The following PLK4 variants were observed in gnomAD, a reference collection of about 807,000 sequenced individuals.
The protein encoded by PLK4 is serine/threonine-protein kinase PLK4.
In PLK4, 51 loss-of-function variants were observed where a neutral mutation model predicts 103.0. The observed-to-expected ratio is 0.50, with a 90% CI of 0.40 to 0.63. The LOEUF is 0.63. Among genes scored for constraint, PLK4 ranks in the 20% least tolerant of loss-of-function variants. PLK4 has a pLI of 0.00. For missense variants in PLK4, 1,054 were observed against 1,151.0 expected, an observed-to-expected ratio of 0.92 and a Z score of 1.22; for synonymous variants, 389 against 376.8, an observed-to-expected ratio of 1.03 and a Z score of -0.38.
chr4:127,885,946 T>A lies in PLK4; in HGVS notation c.576T>A (p.Ser192=), dbSNP rs1735106975. The A allele has an allele frequency of 6.2e-7, 1 of 1,614,078 alleles. No homozygotes were observed. Among genetic ancestry groups the A allele is most frequent in the African/African-American group, 1.3e-5 (1 of 74,942 alleles). The part of the protein sequence containing the change: ...IATRSAHGLE[S]DVWSLGCMFY... ...CTCGAAGTGCACATGGCCTTGAATCTGATGTTTGGTCCCTGGGCTGTATGT... is the reference window on the plus strand; with the variant it reads ...CTCGAAGTGCACATGGCCTTGAATCAGATGTTTGGTCCCTGGGCTGTATGT... Residue 192 remains serine (S), a synonymous_variant, in exon 5 of 16, where the codon TCT becomes TCA. Transcript: ENST00000270861.
In PLK4 at chr4:127,895,001, G is replaced by C. The variant is rs372173355; in HGVS notation, c.2611G>C (p.Asp871His). Residue 871 changes from aspartate to histidine, a missense_variant, in exon 14 of 16, where the codon GAC (aspartate) becomes CAC (histidine). By Grantham distance (81) the Asp-to-His change is moderately conservative. Around this residue, in one of 4 missense-constraint regions of PLK4, gnomAD observed 167 missense variants for 200.7 expected, o/e 0.83. Coordinates refer to ENST00000270861, the MANE Select transcript of PLK4 (RefSeq NM_014264.5). ...LGLTTTASGTDISSNSLKDCL... is the reference protein window; with the variant it reads ...LGLTTTASGTHISSNSLKDCL... ...TCTTACAACTACAGCTTCTGGAACA[G>C]ACATCTCTTCTAATAGTCTAAAAGA... 6.2e-7 allele frequency: 1 copy of C among 1,605,726 alleles called. No individual in the cohort carries two copies. The highest frequency in any genetic ancestry group is 8.5e-7 in the Non-Finnish European group (1 of 1,173,522).
intron 2 of PLK4, 107 bp from the exon 3 acceptor site, chr4:127,883,155 C>T (rs970878337): frequency 5.6e-5 from 35 of 619,894 alleles, no homozygotes; most frequent in African/African-American, 7.4e-5. Context: ...ACCACAAAGA[C>T]GTATAAAAGG....
chr4:127,898,860 A>T lies in PLK4; in HGVS notation c.*319A>T, dbSNP rs1735676310. ...TGATGTGTAGTTTATTTGTGCTTTT[A>T]TTGTTTTCCCTGCGTCTCAGACATG... is the stretch of plus-strand genomic sequence containing the variant. On this transcript the variant is annotated 3_prime_UTR_variant, in exon 16 of 16. Coordinates refer to ENST00000270861, the MANE Select transcript of PLK4 (RefSeq NM_014264.5). 3 of 183,044 alleles carry T rather than the reference A, an allele frequency of 1.6e-5. No individual in the cohort carries two copies. Among genetic ancestry groups the T allele is most frequent in the Admixed American group, 1.2e-4 (2 of 16,740 alleles). 11.3% of individuals were successfully genotyped at this position (183,044 alleles called of 1,614,324 possible).
chr4:127,887,400 A>G lies in PLK4; in HGVS notation c.1363A>G (p.Asn455Asp), dbSNP rs146078575. 1 of 1,596,530 alleles carries G rather than the reference A, an allele frequency of 6.3e-7. No individual in the cohort carries two copies. The change falls in exon 6 of 16, where the codon AAT (asparagine) becomes GAT (aspartate). Residue 455 changes from asparagine to aspartate, a missense_variant. By Grantham distance (23) the Asn-to-Asp change is conservative. This residue lies in a region of PLK4 where 680 missense variants were observed against 660.3 expected (regional missense o/e 1.03). Transcript: ENST00000270861. The stretch of plus-strand genomic sequence containing the variant: ...TTTTTTTGTTTGTTTGTTTAGCTCC[A>G]ATCATCTTTGTCCAGGAAAAACTCC... Reference protein sequence around the residue: ...ERPDNNQALSNHLCPGKTPFP... With the variant: ...ERPDNNQALSDHLCPGKTPFP...
At chr4:127,892,995 T>C (rs773851072) in intron 10 of PLK4, among the ~76,000 whole-genome samples, 72 of 152,040 alleles carry the variant, frequency 4.7e-4, no homozygotes, top group Non-Finnish European at 1.8e-4. Context: ...AGCATTCATA[T>C]CACACAGTAC....
At position 127,881,349 on chromosome 4, in the gene PLK4, A is replaced by G. The variant is rs537122220; in HGVS notation, c.30+185A>G. ...CGGAGCGGCCCGCCCCTCAAGAGAC[A>G]AGAGTAGGGAAGGCGGGACAGGTGA... On this transcript the variant is annotated intron_variant, in intron 1 of 15. Transcript: ENST00000270861. 1.3e-5 allele frequency: 19 copies of G among 1,446,388 alleles called. No individual in the cohort carries two copies. In the African/African-American group the frequency reaches 2.1e-4, roughly 16 times the overall value. The allele number at this position is 1,446,388 out of a possible 1,614,324, so 89.6% of individuals were successfully genotyped here.
chr4:127,881,365 G>A (rs1424297629), intron 1 of PLK4: 58 of 1,437,860 alleles, frequency 4.0e-5, no homozygotes, highest in Non-Finnish European at 5.1e-5. Context: ...AGGGAAGGCG[G>A]GACAGGTGAG....
intron 14 of PLK4, among the ~76,000 whole-genome samples, chr4:127,895,591 T>G (rs1445115821): frequency 6.6e-6 from 1 of 151,462 alleles, no homozygotes; most frequent in African/African-American, 2.4e-5. Flanking sequence ...CGGGCTAATT[T>G]TTTCTATTTT....
chr4:127,893,829 T>A lies in PLK4; in HGVS notation c.2510T>A (p.Met837Lys), dbSNP rs1317822069. ...PTRERASFNR[M>K]VMHSAASPTQ... ...AGAGAGAGAGCATCTTTCAACAGAA[T>A]GGTCATGCATAGTGCTGCTTCTCCA... Residue 837 changes from methionine (M) to lysine (K), a missense_variant, in exon 13 of 16, where the codon ATG becomes AAG. By Grantham distance (95) the Met-to-Lys change is moderately conservative (BLOSUM62 -1). Coordinates refer to ENST00000270861, the MANE Select transcript of PLK4 (RefSeq NM_014264.5). The A allele has an allele frequency of 1.2e-6, 2 of 1,611,742 alleles. No individual in the cohort carries two copies. Among genetic ancestry groups the A allele is most frequent in the Non-Finnish European group, 1.7e-6 (2 of 1,178,006 alleles).
chr4:127,892,950 T>C (rs1735419146), intron 10 of PLK4, among the ~76,000 whole-genome samples: 1 of 152,080 alleles, frequency 6.6e-6, no homozygotes, highest in African/African-American at 2.4e-5. Context: ...AGATGAACTA[T>C]TTTTTAATCT....
intron 6 of PLK4, 128 bp from the exon 7 acceptor site, chr4:127,889,738 A>G: frequency 3.0e-6 from 2 of 657,780 alleles, no homozygotes; most frequent in Non-Finnish European, 5.1e-6. Flanking sequence ...ATGAGCTCTT[A>G]TTGTTTTGTT....
chr4:127,881,861 G>A lies in PLK4; in HGVS notation c.61G>A (p.Gly21Arg). Residue 21 changes from glycine (G) to arginine (R), a missense_variant, in exon 2 of 16, where the codon GGA becomes AGA. This residue lies in a region of PLK4 where 199 missense variants were observed against 270.1 expected (regional missense o/e 0.74). Transcript: ENST00000270861. ...DFKVGNLLGK[G>R]SFAGVYRAES... ...TAAAGTTGGAAATCTGCTTGGTAAA[G>A]GATCATTTGCTGGTGTCTACAGAGC... 1.2e-6 allele frequency: 2 copies of A among 1,608,960 alleles called. No homozygotes were observed. Among genetic ancestry groups the A allele is most frequent in the Non-Finnish European group, 1.7e-6 (2 of 1,175,362 alleles).
intron 15 of PLK4, among the ~76,000 whole-genome samples, chr4:127,897,904 A>G: frequency 8.6e-6 from 1 of 116,676 alleles, no homozygotes; most frequent in Non-Finnish European, 1.6e-5. Flanking sequence ...TAGTGGTGCG[A>G]CTTGGCTCAC....
rs1431411718 is a variant in PLK4 at position 127,886,684 on chromosome 4, C to G, written c.1314C>G (p.Ser438=). 6.2e-7 allele frequency: 1 copy of G among 1,611,392 alleles called. No homozygotes were observed. Among genetic ancestry groups the G allele is most frequent in the Admixed American group, 1.7e-5 (1 of 59,676 alleles). Residue 438 remains serine (S), a synonymous_variant, in exon 5 of 16, where the codon TCC becomes TCG. Coordinates refer to ENST00000270861, the MANE Select transcript of PLK4 (RefSeq NM_014264.5). The part of the protein sequence containing the change: ...NIFNFFKEKT[S]SSSGSFERPD... The stretch of plus-strand genomic sequence containing the variant: ...TTAACTTCTTTAAAGAAAAGACATC[C>G]AGTAGTTCTGGATCTTTTGAAAGAC...
At position 127,883,489 on chromosome 4, in the gene PLK4, G is replaced by A; in HGVS notation, c.273G>A (p.Met91Ile). ...DSNYVYLVLEMCHNGEMNRYL... is the reference protein window; with the variant it reads ...DSNYVYLVLEICHNGEMNRYL... The stretch of plus-strand genomic sequence containing the variant: ...ATTATGTGTATCTGGTATTAGAAAT[G>A]TGCCATAATGGAGAAATGAACAGGT... Residue 91 changes from methionine (M) to isoleucine (I), a missense_variant, in exon 4 of 16, where the codon ATG becomes ATA. Coordinates refer to ENST00000270861, the MANE Select transcript of PLK4 (RefSeq NM_014264.5). The A allele has an allele frequency of 6.4e-7, 1 of 1,553,940 alleles. No homozygotes were observed. The highest frequency in any genetic ancestry group is 8.9e-7 in the Non-Finnish European group (1 of 1,125,932).
rs1014450567 is a variant in PLK4, at chr4:127,881,270, G to C, written c.30+106G>C. The C allele has an allele frequency of 1.9e-6, 3 of 1,578,274 alleles. No individual in the cohort carries two copies. The African/African-American group carries it at 4.0e-5, about 21-fold the overall frequency. On this transcript the variant is annotated intron_variant, in intron 1 of 15. Coordinates refer to ENST00000270861, the MANE Select transcript of PLK4 (RefSeq NM_014264.5). Reference sequence around the variant, plus strand: ...AACGAAGCTAACGGCTGCGGGGCGGGCACCGAGGTGCTTAGGGAGGGTCCC... The same window carrying C: ...AACGAAGCTAACGGCTGCGGGGCGGCCACCGAGGTGCTTAGGGAGGGTCCC...
At position 127,881,179 on chromosome 4, in the gene PLK4, C is replaced by T. The variant is rs1734901867; in HGVS notation, c.30+15C>T. 2 of 1,613,782 alleles carry T rather than the reference C, an allele frequency of 1.2e-6. No homozygotes were observed. Among genetic ancestry groups the T allele is most frequent in the South Asian group, 2.2e-5 (2 of 91,082 alleles). On this transcript the variant is annotated intron_variant, in intron 1 of 15. Coordinates refer to ENST00000270861, the MANE Select transcript of PLK4 (RefSeq NM_014264.5). ...AGAAGATCGAGGTGAAAAGACTCGG[C>T]AGTCTGCAGCGGGGCGGGTGGGAGT...
At position 127,889,966 on chromosome 4, in the gene PLK4, T is replaced by C; in HGVS notation, c.1560T>C (p.Thr520=). Residue 520 remains threonine (T), a synonymous_variant, in exon 7 of 16, where the codon ACT becomes ACC. Coordinates refer to ENST00000270861, the MANE Select transcript of PLK4 (RefSeq NM_014264.5). ...LQKDTSKNAW[T]DTKVKKNSDA... ...AGGACACATCAAAAAATGCCTGGAC[T>C]GATACAAAAGTCAAAAAGAACTCTG... 1 of 1,614,076 alleles carries C rather than the reference T, an allele frequency of 6.2e-7. No homozygotes were observed. The highest frequency in any genetic ancestry group is 1.1e-5 in the South Asian group (1 of 91,076).
At position 127,886,521 on chromosome 4, in the gene PLK4, C is replaced by G. The variant is rs774363836; in HGVS notation, c.1151C>G (p.Thr384Ser). The change falls in exon 5 of 16, where the codon ACT becomes AGT. Residue 384 changes from threonine (T) to serine (S), a missense_variant. By Grantham distance (58) the Thr-to-Ser change is moderately conservative. Around this residue, in one of 4 missense-constraint regions of PLK4, gnomAD observed 680 missense variants for 660.3 expected, o/e 1.03. Transcript: ENST00000270861. ...GCTTATTCCTCTGATAGATCTGGCA[C>G]TTCTAATAGTCAGTCTCAAGCAAAA... ...RRAYSSDRSG[T>S]SNSQSQAKTY... The G allele has an allele frequency of 6.2e-7, 1 of 1,613,894 alleles. No homozygotes were observed. Among genetic ancestry groups the G allele is most frequent in the African/African-American group, 1.3e-5 (1 of 75,026 alleles).
Sources: gnomAD v4.1 joint callset for allele counts (sites outside exome capture counted in the v4.1 genomes callset) on GRCh38, gnomAD v4.1.1 for gene constraint, gnomAD v4.1.1 regional missense constraint, MANE v1.5 for transcripts, NCBI Gene and HGNC (gene_info 2026-07-23, HGNC 2026-07-21) for gene names.